YTHDF3: variants seen among roughly 807,000 people sequenced by gnomAD.
YTHDF3 encodes YTH N6-methyladenosine RNA binding protein F3, also known as YTH domain-containing family protein 3.
A neutral mutation model predicts 52.5 loss-of-function variants in YTHDF3; 9 were observed. That is an observed-to-expected ratio of 0.17 (90% CI 0.10 to 0.30). The LOEUF is 0.30. Among genes scored for constraint, YTHDF3 ranks in the 10% least tolerant of loss-of-function variants. The pLI is 1.00. For synonymous variants in YTHDF3, 274 were observed against 243.3 expected (o/e 1.13, Z -1.18); for missense variants, 534 against 715.0 (o/e 0.75, Z 2.89).
At position 63,187,760 on chromosome 8, in the gene YTHDF3, A is replaced by G. The variant is rs370971562; in HGVS notation, c.1734+15A>G. 5 of 1,567,560 alleles carry G rather than the reference A, an allele frequency of 3.2e-6. No homozygotes were observed. The African/African-American group carries it at 6.8e-5, about 21-fold the overall frequency. ...CCATGCGTAGGGTAAGAATATAGTA[A>G]TTTTTTGTTTGGGGTCTTTGTATTG... On this transcript the variant is annotated intron_variant, in intron 4 of 4. Coordinates refer to ENST00000539294, the MANE Select transcript of YTHDF3 (RefSeq NM_152758.6).
intron 4 of YTHDF3, 89 bp from the exon 5 acceptor site, chr8:63,209,594 A>G: frequency 7.9e-7 from 1 of 1,273,826 alleles, no homozygotes; most frequent in Non-Finnish European, 1.1e-6. Context: ...GAGATGATTT[A>G]CATTATATGT....
chr8:63,187,879 A>C, intron 4 of YTHDF3, 134 bp downstream of exon 4: 4 of 1,014,512 alleles, frequency 3.9e-6, no homozygotes, highest in Non-Finnish European at 5.6e-6. Context: ...ACACCCTTGA[A>C]GGTATCTATG....
At chr8:63,203,580 A>G (rs1163070888) in intron 4 of YTHDF3, among the ~76,000 whole-genome samples, 1 of 152,186 alleles carries the variant, frequency 6.6e-6, no homozygotes, top group Non-Finnish European at 1.5e-5. Context: ...ATCATAGTAC[A>G]TTTATTTAAA....
At chr8:63,195,742 G>A (rs905798935) in intron 4 of YTHDF3, among the ~76,000 whole-genome samples, 2 of 149,656 alleles carry the variant, frequency 1.3e-5, no homozygotes, top group African/African-American at 5.1e-5. Context: ...GTGTGTGTGT[G>A]TGTGTGTGTG....
intron 3 of YTHDF3, among the ~76,000 whole-genome samples, chr8:63,176,129 A>G (rs1192038636): frequency 6.6e-6 from 1 of 152,224 alleles, no homozygotes; most frequent in African/African-American, 2.4e-5. Context: ...GTTACTAAAA[A>G]TAAGCCACTG....
chr8:63,174,526 A>G (rs1225097779), intron 2 of YTHDF3, among the ~76,000 whole-genome samples: 1 of 152,208 alleles, frequency 6.6e-6, no homozygotes. Context: ...TCAGTGCTGG[A>G]CTTGAGATTC....
intron 4 of YTHDF3, among the ~76,000 whole-genome samples, chr8:63,188,067 G>A (rs1808647434): frequency 1.3e-5 from 2 of 152,244 alleles, no homozygotes; most frequent in Admixed American, 1.3e-4. Flanking sequence ...CTAACCAGGG[G>A]CTCTAATCAT....
chr8:63,187,147 T>C lies in YTHDF3; in HGVS notation c.1136T>C (p.Val379Ala). 1 of 1,613,882 alleles carries C rather than the reference T, an allele frequency of 6.2e-7. No individual in the cohort carries two copies. Among genetic ancestry groups the C allele is most frequent in the Non-Finnish European group, 8.5e-7 (1 of 1,179,854 alleles). The part of the protein sequence containing the change: ...GAGSENFGLG[V>A]VPVSASPSSV... ...GGCAGTGAAAACTTTGGTTTAGGTGTTGTACCTGTCAGTGCTTCACCTTCT... is the reference window on the plus strand; with the variant it reads ...GGCAGTGAAAACTTTGGTTTAGGTGCTGTACCTGTCAGTGCTTCACCTTCT... The change falls in exon 4 of 5, where the codon GTT becomes GCT. Residue 379 changes from valine to alanine, a missense_variant. Val to Ala is a moderately conservative substitution (Grantham distance 64). Around this residue, in one of 3 missense-constraint regions of YTHDF3, gnomAD observed 203 missense variants for 201.3 expected, o/e 1.01. Transcript: ENST00000539294.
Position 63,212,408 on chromosome 8 carries a change from GT to G in YTHDF3, c.*2704del, listed in dbSNP as rs1323539059. ...TTCTTTTTGAATACCGTGCATGGGG[GT>G]TAAGCTGATGTTAAAACAGTTTGCA... On this transcript the variant is annotated 3_prime_UTR_variant, in exon 5 of 5. Coordinates refer to ENST00000539294, the MANE Select transcript of YTHDF3 (RefSeq NM_152758.6). 6.6e-6 allele frequency: 1 copy of G among 151,642 alleles called. No homozygotes were observed. Among genetic ancestry groups the G allele is most frequent in the African/African-American group, 2.4e-5 (1 of 40,898 alleles). The allele number at this position is 151,642 out of a possible 1,614,324, so 9.4% of individuals were successfully genotyped here.
chr8:63,202,464 T>C (rs1313426563), intron 4 of YTHDF3, among the ~76,000 whole-genome samples: 2 of 10,480 alleles, frequency 1.9e-4, no homozygotes, highest in Non-Finnish European at 2.5e-4. Flanking sequence ...GTTCTACTCT[T>C]TTTTTTTTTT....
chr8:63,207,913 A>G (rs1372605186), intron 4 of YTHDF3, among the ~76,000 whole-genome samples: 1 of 152,184 alleles, frequency 6.6e-6, no homozygotes, highest in Non-Finnish European at 1.5e-5. Context: ...ATCCAAAGCT[A>G]TTTATTTCCT....
At chr8:63,193,113 T>C (rs1380973861) in intron 4 of YTHDF3, among the ~76,000 whole-genome samples, 1 of 152,018 alleles carries the variant, frequency 6.6e-6, no homozygotes, top group Non-Finnish European at 1.5e-5. Context: ...GTGGCTCACA[T>C]GTGTAATCCC....
intron 4 of YTHDF3, among the ~76,000 whole-genome samples, chr8:63,195,068 G>T (rs2150385789): frequency 6.6e-6 from 1 of 152,196 alleles, no homozygotes; most frequent in Non-Finnish European, 1.5e-5. Context: ...AGCCAACAAG[G>T]CTCTTCCTGT....
At position 63,168,853 on chromosome 8, in the gene YTHDF3, G is replaced by T; in HGVS notation, c.-25G>T. The T allele has an allele frequency of 1.3e-6, 2 of 1,554,104 alleles. No homozygotes were observed. The highest frequency in any genetic ancestry group is 2.4e-5 in the East Asian group (1 of 41,046). On this transcript the variant is annotated 5_prime_UTR_variant, in exon 1 of 5. Transcript: ENST00000539294. ...GAGAGGCCCAGGCAGCGGCGGCGGC[G>T]GCGGCTCTCGGGTTGCGGTGAAGAA...
intron 3 of YTHDF3, among the ~76,000 whole-genome samples, chr8:63,184,300 A>G (rs1808357714): frequency 6.6e-6 from 1 of 152,224 alleles, no homozygotes; most frequent in Non-Finnish European, 1.5e-5. Flanking sequence ...TTAAACAGTA[A>G]GTGAGAGTTG....
At chr8:63,180,430 G>T (rs866741754) in intron 3 of YTHDF3, among the ~76,000 whole-genome samples, 84 of 151,304 alleles carry the variant, frequency 5.6e-4, no homozygotes, top group Middle Eastern at 6.8e-3. Flanking sequence ...GCCGGGAAGA[G>T]GCGCTCCTCA....
At position 63,168,774 on chromosome 8, in the gene YTHDF3, G is replaced by T. The variant is rs1391192647; in HGVS notation, c.-104G>T. 6.5e-7 allele frequency: 1 copy of T among 1,546,826 alleles called. No individual in the cohort carries two copies. The highest frequency in any genetic ancestry group is 8.7e-7 in the Non-Finnish European group (1 of 1,145,028). On this transcript the variant is annotated 5_prime_UTR_variant, in exon 1 of 5. Coordinates refer to ENST00000539294, the MANE Select transcript of YTHDF3 (RefSeq NM_152758.6). ...CTCAGCGAACGGCGGCAGCGGCGGC[G>T]GCTGGAACAATCACTCGGCCAAGGG...
At chr8:63,202,418 G>T (rs1268227712) in intron 4 of YTHDF3, among the ~76,000 whole-genome samples, 2 of 151,316 alleles carry the variant, frequency 1.3e-5, no homozygotes, top group Non-Finnish European at 2.9e-5. Context: ...GCAGGCTTTT[G>T]AGCAGCTGGG....
intron 3 of YTHDF3, among the ~76,000 whole-genome samples, chr8:63,179,818 C>G (rs1260982266): frequency 6.6e-6 from 1 of 151,916 alleles, no homozygotes; most frequent in Non-Finnish European, 1.5e-5. Flanking sequence ...CCCCTCACCT[C>G]CCGGACGGGG....
Sources: allele counts gnomAD v4.1 joint callset (sites outside exome capture counted in the v4.1 genomes callset), GRCh38; gene constraint gnomAD v4.1.1; regional missense constraint gnomAD v4.1.1; transcripts MANE v1.5; gene names NCBI Gene and HGNC (gene_info 2026-07-23, HGNC 2026-07-21).